Variants in SRRM1 observed in about 807,000 individuals in gnomAD.
SRRM1 encodes the protein serine and arginine repetitive matrix 1.
A neutral mutation model predicts 110.2 loss-of-function variants in SRRM1; 19 were observed. That is an observed-to-expected ratio of 0.17 (90% confidence interval 0.12 to 0.25). The LOEUF (loss-of-function observed/expected upper bound fraction) is 0.25. Among genes scored for constraint, SRRM1 ranks in the 10% least tolerant of loss-of-function variants. SRRM1 has a pLI of 1.00. For synonymous variants in SRRM1, 443 were observed against 414.9 expected, an observed-to-expected ratio of 1.07 and a Z score of -0.82; for missense variants, 918 against 1,145.8, an observed-to-expected ratio of 0.80 and a Z score of 2.87.
chr1:24,671,572 G>T lies in SRRM1; in HGVS notation c.2587G>T (p.Val863Leu), dbSNP rs1571167245. ...ATTTLAQEEP[V>L]AAPEPKKETE... is the part of the protein sequence containing the mutation. ...AACCACATTAGCACAGGAAGAGCCA[G>T]TGGCAGCGCCAGAGCCGAAGAAGGT... is the stretch of plus-strand genomic sequence containing the variant. Residue 863 changes from valine to leucine, a missense_variant, in exon 16 of 17, where the codon GTG becomes TTG. Coordinates refer to ENST00000323848, the MANE Select transcript of SRRM1 (RefSeq NM_005839.4). The T allele has an allele frequency of 3.1e-6, 5 of 1,596,712 alleles. No homozygotes were observed. In the East Asian group the frequency reaches 1.1e-4, roughly 36 times the overall value.
At chr1:24,655,797 G>A (rs1023591950) in intron 9 of SRRM1, among the ~76,000 whole-genome samples, 3 of 152,176 alleles carry the variant, frequency 2.0e-5, no homozygotes, top group Admixed American at 6.5e-5. Context: ...TTTGAACCAG[G>A]CTCTCTGGAG....
chr1:24,658,215 T>C (rs2148508447), intron 9 of SRRM1, among the ~76,000 whole-genome samples: 1 of 150,548 alleles, frequency 6.6e-6, no homozygotes, highest in East Asian at 1.9e-4. Flanking sequence ...TAAATTTTTT[T>C]TTTTTTTTTT....
chr1:24,651,152 T>A (rs1660436677), intron 5 of SRRM1, among the ~76,000 whole-genome samples: 1 of 152,236 alleles, frequency 6.6e-6, no homozygotes, highest in African/African-American at 2.4e-5. Context: ...TCTCTGGGAA[T>A]GATTAAGAAC....
At chr1:24,649,867 C>T (rs759520417) in intron 4 of SRRM1, 104 bp from the exon 5 acceptor site, 92 of 1,013,824 alleles carry the variant, frequency 9.1e-5, no homozygotes, top group East Asian at 1.4e-4. Flanking sequence ...AAGAAGAGGC[C>T]GATGAAATGA....
chr1:24,663,202 T>C, intron 12 of SRRM1: 1 of 1,516,372 alleles, frequency 6.6e-7, no homozygotes, highest in Non-Finnish European at 8.9e-7. Flanking sequence ...GGGAAAGCGA[T>C]GGCAATCGCC....
At position 24,671,506 on chromosome 1, in the gene SRRM1, G is replaced by A. The variant is rs1229664780; in HGVS notation, c.2521G>A (p.Ala841Thr). Residue 841 changes from alanine to threonine, a missense_variant, in exon 16 of 17, where the codon GCT becomes ACT. By Grantham distance (58) the Ala-to-Thr change is moderately conservative. This residue lies in a region of SRRM1 where 62 missense variants were observed against 127.6 expected (regional missense o/e 0.49). Transcript: ENST00000323848. The part of the protein sequence containing the change: ...HKKEKAVAAA[A>T]AAAVTPAAIA... Reference sequence around the variant, plus strand: ...GAAGGAAAAGGCTGTGGCTGCAGCTGCTGCAGCTGCTGTGACCCCTGCAGC... The same window carrying A: ...GAAGGAAAAGGCTGTGGCTGCAGCTACTGCAGCTGCTGTGACCCCTGCAGC... 6.2e-7 allele frequency: 1 copy of A among 1,612,936 alleles called. No homozygotes were observed. Among genetic ancestry groups the A allele is most frequent in the East Asian group, 2.2e-5 (1 of 44,882 alleles).
At chr1:24,655,252 T>C (rs1009359992) in intron 9 of SRRM1, 123 bp downstream of exon 9, 1 of 1,113,448 alleles carries the variant, frequency 9.0e-7, no homozygotes, top group South Asian at 1.6e-5. Context: ...TCTAATACTC[T>C]CTGTAGGTTT....
chr1:24,649,906 A>T, intron 4 of SRRM1, 65 bp from the exon 5 acceptor site: 3 of 1,414,876 alleles, frequency 2.1e-6, no homozygotes, highest in Non-Finnish European at 2.8e-6. Flanking sequence ...ACACACGTAG[A>T]AAGTAGTCTT....
At chr1:24,657,919 CTT>C (rs890635218) in intron 9 of SRRM1, among the ~76,000 whole-genome samples, 5 of 152,096 alleles carry the variant, frequency 3.3e-5, no homozygotes, top group Admixed American at 3.3e-4. Flanking sequence ...CACAGAGTAA[CTT>C]ATCTTTATAA....
intron 8 of SRRM1, 75 bp downstream of exon 8, chr1:24,653,107 A>G: frequency 1.4e-6 from 2 of 1,418,592 alleles, no homozygotes; most frequent in South Asian, 2.7e-5. Context: ...TAATCTGTAA[A>G]TTAGTGTCCC....
At chr1:24,650,250 A>G (rs1450489193) in intron 5 of SRRM1, among the ~76,000 whole-genome samples, 164 bp downstream of exon 5, 2 of 152,220 alleles carry the variant, frequency 1.3e-5, no homozygotes, top group Non-Finnish European at 2.9e-5. Flanking sequence ...AATCTGTCAT[A>G]TTTTGTTTGA....
chr1:24,651,396 A>G lies in SRRM1; in HGVS notation c.522-13A>G, dbSNP rs745743688. The G allele has an allele frequency of 4.0e-5, 65 of 1,607,348 alleles. No individual in the cohort carries two copies. Among genetic ancestry groups the G allele is most frequent in the Non-Finnish European group, 5.5e-5 (65 of 1,176,520 alleles). The stretch of plus-strand genomic sequence containing the variant: ...GTTATTTAAAAACCTGAAAAAAATT[A>G]CTTTCATCCTAGACGCAAATCCAGA... On this transcript the variant is annotated splice_polypyrimidine_tract_variant and intron_variant, in intron 5 of 16. Coordinates refer to ENST00000323848, the MANE Select transcript of SRRM1 (RefSeq NM_005839.4).
At chr1:24,667,711 G>A (rs1216542117) in intron 13 of SRRM1, among the ~76,000 whole-genome samples, 1 of 152,078 alleles carries the variant, frequency 6.6e-6, no homozygotes, top group Admixed American at 6.5e-5. Context: ...ATTAAGTCCT[G>A]GAACAGAAAA....
intron 10 of SRRM1, 82 bp from the exon 11 acceptor site, chr1:24,661,228 G>C: frequency 1.1e-6 from 1 of 946,960 alleles, no homozygotes. Context: ...ATGAAGGTTT[G>C]AGAGACTATT....
At chr1:24,654,484 G>A in intron 8 of SRRM1, 2 of 724,276 alleles carry the variant, frequency 2.8e-6, no homozygotes, top group Non-Finnish European at 2.0e-6. Flanking sequence ...TCTCAACATT[G>A]TGTTATTAAA....
chr1:24,661,124 T>C, intron 10 of SRRM1, 186 bp from the exon 11 acceptor site: 1 of 555,422 alleles, frequency 1.8e-6, no homozygotes, highest in Non-Finnish European at 3.3e-6. Flanking sequence ...AATTTTATTA[T>C]ATTTGGTGAA....
At chr1:24,645,567 T>C (rs1356825000) in intron 1 of SRRM1, among the ~76,000 whole-genome samples, 3 of 152,216 alleles carry the variant, frequency 2.0e-5, no homozygotes, top group Non-Finnish European at 4.4e-5. Context: ...CCTGTTTGTA[T>C]GCATTGCCAC....
intron 14 of SRRM1, 79 bp from the exon 15 acceptor site, chr1:24,670,041 G>A: frequency 2.4e-6 from 3 of 1,255,582 alleles, no homozygotes; most frequent in Non-Finnish European, 3.3e-6. Flanking sequence ...TAACCTGGTT[G>A]TACAGTGTAG....
In SRRM1 at chr1:24,652,943, A is replaced by T; in HGVS notation, c.951A>T (p.Pro317=). The change falls in exon 8 of 17, where the codon CCA becomes CCT. Residue 317 remains proline (P), a synonymous_variant. Transcript: ENST00000323848. ...ATTCACCTAGAAGGCGGCCAAGCCC[A>T]AGAAGGCGGCCATCTCCTCGAAGAA... ...RSYSPRRRPS[P]RRRPSPRRRT... is the part of the protein sequence containing the mutation. 1 of 1,614,002 alleles carries T rather than the reference A, an allele frequency of 6.2e-7. No individual in the cohort carries two copies. The highest frequency in any genetic ancestry group is 8.5e-7 in the Non-Finnish European group (1 of 1,179,942).
Sources: gnomAD v4.1 joint callset for allele counts (sites outside exome capture counted in the v4.1 genomes callset) on GRCh38, gnomAD v4.1.1 for gene constraint, gnomAD v4.1.1 regional missense constraint, MANE v1.5 for transcripts, NCBI Gene and HGNC (gene_info 2026-07-23, HGNC 2026-07-21) for gene names.